Variants in CDYL observed in about 807,000 individuals in gnomAD.
CDYL encodes chromodomain Y-like protein.
Under a neutral mutation model 47.3 loss-of-function variants are expected in CDYL, and 8 were observed. That is an observed-to-expected ratio of 0.17 (90% CI 0.10 to 0.31). The LOEUF (loss-of-function observed/expected upper bound fraction) is 0.31. Ranked by LOEUF, CDYL falls within the 10% of genes least tolerant of loss-of-function variation. The probability of loss-of-function intolerance (pLI) is 1.00; values close to 1 mark genes in which losing one functional copy is unlikely to be tolerated. For synonymous variants in CDYL, 266 were observed against 265.0 expected, an observed-to-expected ratio of 1.00 and a Z score of -0.04; for missense variants, 471 against 701.4, an observed-to-expected ratio of 0.67 and a Z score of 3.71.
chr6:4,808,878 C>T (rs567379727), intron 1 of CDYL, among the ~76,000 whole-genome samples: 1 of 152,302 alleles, frequency 6.6e-6, no homozygotes, highest in Non-Finnish European at 1.5e-5. Flanking sequence ...TAATTTGTTA[C>T]TGCTTGGATT....
At chr6:4,880,410 A>G (rs1222839447) in intron 1 of CDYL, among the ~76,000 whole-genome samples, 1 of 152,200 alleles carries the variant, frequency 6.6e-6, no homozygotes, top group Non-Finnish European at 1.5e-5. Flanking sequence ...GGTGTACCAC[A>G]ATATACTTAC....
At chr6:4,809,630 T>C (rs1313804104) in intron 1 of CDYL, among the ~76,000 whole-genome samples, 3 of 150,598 alleles carry the variant, frequency 2.0e-5, no homozygotes, top group Non-Finnish European at 4.4e-5. Context: ...TATTAGTCCT[T>C]GGTGATATTT....
intron 1 of CDYL, among the ~76,000 whole-genome samples, chr6:4,840,459 G>GTGGGCATC (rs766248452): frequency 3.5e-4 from 54 of 152,314 alleles, no homozygotes; most frequent in Non-Finnish European, 5.9e-4. Flanking sequence ...AATGGTGAGA[G>GTGGGCATC]TGGGCATCCT....
At position 4,776,709 on chromosome 6, in the gene CDYL, A is replaced by C; in HGVS notation, c.-75A>C. The C allele has an allele frequency of 4.0e-6, 5 of 1,257,686 alleles. No individual in the cohort carries two copies. The highest frequency in any genetic ancestry group is 5.1e-6 in the Non-Finnish European group (5 of 975,572). 77.9% of individuals were successfully genotyped at this position (1,257,686 alleles called of 1,614,324 possible). Reference sequence around the variant, plus strand: ...GCGCAGGCCACGCAGGACCCAACTGAAACAAAGTGTCGGCCGCCCGGCGCC... The same window carrying C: ...GCGCAGGCCACGCAGGACCCAACTGCAACAAAGTGTCGGCCGCCCGGCGCC... On this transcript the variant is annotated 5_prime_UTR_variant, in exon 1 of 7. Coordinates refer to ENST00000397588, the MANE Select transcript of CDYL (RefSeq NM_004824.4).
At chr6:4,733,323 T>C (rs1757642639) in intron 2 of CDYL, 1 of 152,070 alleles carries the variant, frequency 6.6e-6, no homozygotes, top group Non-Finnish European at 1.5e-5. Flanking sequence ...GCCATGTCCC[T>C]GTTCCGCCAC....
chr6:4,775,618 G>A (rs943488014), upstream of CDYL, among the ~76,000 whole-genome samples: 1 of 151,518 alleles, frequency 6.6e-6, no homozygotes, highest in Non-Finnish European at 1.5e-5. The surrounding 1 kb of genome is among the most constrained non-coding windows in gnomAD (Gnocchi z 7.0). Flanking sequence ...AGCGGAGGCA[G>A]CCGCGCCCTC....
chr6:4,941,641 A>G (rs1758362492), intron 4 of CDYL, among the ~76,000 whole-genome samples: 1 of 152,202 alleles, frequency 6.6e-6, no homozygotes, highest in Non-Finnish European at 1.5e-5. Flanking sequence ...ATCAAAATCT[A>G]AGTTTCGACT....
In CDYL at chr6:4,717,740, A is replaced by AAT. The variant is rs1491395482; in HGVS notation, c.103+1859_103+1860insAT. Among the ~76,000 whole-genome samples the AAT allele has an allele frequency of 1.5e-3, 184 of 118,812 alleles. 20 individuals carry two copies. Among genetic ancestry groups the AAT allele is most frequent in the African/African-American group, 5.5e-3 (165 of 30,040 alleles). The allele number at this position is 118,812 out of a possible 152,430, so 77.9% of individuals were successfully genotyped here. A position where few individuals can be genotyped will look rare whatever the true frequency, so the allele number is the denominator to read the frequency against. ...AAAAAAAAAAAAAAAAAAAAAAAAA[A>AAT]TTAAAAATTGAAAGGGATTTTTGTT... On this transcript the variant is annotated intron_variant, in intron 2 of 8. Transcript: ENST00000328908.
intron 2 of CDYL, among the ~76,000 whole-genome samples, chr6:4,925,547 C>T (rs1379276726): frequency 6.6e-6 from 1 of 151,574 alleles, no homozygotes; most frequent in Non-Finnish European, 1.5e-5. Context: ...TCCCGAGTAG[C>T]TGGGACTACA....
At chr6:4,947,676 C>T (rs1758566126) in intron 5 of CDYL, among the ~76,000 whole-genome samples, 1 of 152,182 alleles carries the variant, frequency 6.6e-6, no homozygotes, top group African/African-American at 2.4e-5. Flanking sequence ...GTCCACTCCC[C>T]TCGTCACAAG....
At chr6:4,780,224 CCTTT>C (rs1758574030) in intron 1 of CDYL, among the ~76,000 whole-genome samples, 1 of 151,568 alleles carries the variant, frequency 6.6e-6, no homozygotes, top group Non-Finnish European at 1.5e-5. Context: ...TCCTTCCTTT[CCTTT>C]CTTTCTTTCT....
chr6:4,905,756 AT>A lies in CDYL; in HGVS notation c.691+13385del, dbSNP rs530811166. 2.2e-3 allele frequency among the ~76,000 whole-genome samples: 339 copies of A among 151,416 alleles called. 1 individual carries two copies. The highest frequency in any genetic ancestry group is 8.0e-3 in the African/African-American group (328 of 41,232). ...ATTTTTGTAGGACCTCTTCTTTTTC[AT>A]TTTTTTTAGTTTTATTTGTTCCCCT... On this transcript the variant is annotated intron_variant, in intron 2 of 6. Transcript: ENST00000397588.
chr6:4,941,716 G>A (rs371035224), intron 4 of CDYL, among the ~76,000 whole-genome samples: 177 of 152,308 alleles, frequency 1.2e-3, no homozygotes, highest in Non-Finnish European at 2.2e-3. Context: ...ATGGAGGCAA[G>A]GATATATGAA....
chr6:4,793,629 G>A (rs1758989607), intron 1 of CDYL, among the ~76,000 whole-genome samples: 1 of 152,210 alleles, frequency 6.6e-6, no homozygotes, highest in African/African-American at 2.4e-5. Flanking sequence ...GGCAACTGGA[G>A]GGAGACTTAG....
chr6:4,822,285 C>T (rs57890105), intron 1 of CDYL, among the ~76,000 whole-genome samples: 4,036 of 152,176 alleles, frequency 0.027, 184 homozygotes, highest in African/African-American at 0.092. Flanking sequence ...AGATGTGAGC[C>T]ACTGTGCCCG....
chr6:4,788,175 G>T (rs1758808938), intron 1 of CDYL, among the ~76,000 whole-genome samples: 1 of 152,062 alleles, frequency 6.6e-6, no homozygotes, highest in Non-Finnish European at 1.5e-5. Flanking sequence ...GACATGACTT[G>T]GGGTTTGGTG....
intron 1 of CDYL, among the ~76,000 whole-genome samples, chr6:4,848,543 A>G (rs981017903): frequency 6.6e-6 from 1 of 152,252 alleles, no homozygotes; most frequent in Admixed American, 6.5e-5. Context: ...AAAAACAACA[A>G]TGAAGGTCTT....
At chr6:4,740,177 A>T (rs889795484) in intron 3 of CDYL, among the ~76,000 whole-genome samples, 13 of 152,160 alleles carry the variant, frequency 8.5e-5, no homozygotes, top group African/African-American at 3.1e-4. Flanking sequence ...CAGGTGCTAA[A>T]ATGTACTTGC....
Position 4,742,208 on chromosome 6 carries a change from A to T in CDYL, c.186+7364A>T, listed in dbSNP as rs182848352. Among the ~76,000 whole-genome samples, 228 of 151,752 alleles carry T rather than the reference A, an allele frequency of 1.5e-3. 2 individuals carry two copies. Among genetic ancestry groups the T allele is most frequent in the South Asian group, 1.9e-3 (9 of 4,810 alleles). ...ATCTCTACAAAAAATAAAAAATAAA[A>T]TTTTTTTTAATTAGCCAGGTGTGGT... is the stretch of plus-strand genomic sequence containing the variant. On this transcript the variant is annotated intron_variant, in intron 3 of 8. Coordinates refer to the CDYL transcript ENST00000328908.
Sources: allele counts gnomAD v4.1 joint callset (sites outside exome capture counted in the v4.1 genomes callset), GRCh38; gene constraint gnomAD v4.1.1; non-coding constraint Gnocchi (gnomAD v3.1); transcripts MANE v1.5; gene names NCBI Gene and HGNC (gene_info 2026-07-23, HGNC 2026-07-21).